The following CERS4 variants were observed in gnomAD, a reference collection of about 807,000 sequenced individuals.
CERS4 encodes ceramide synthase 4.
In CERS4, 65 loss-of-function variants were observed where a neutral mutation model predicts 51.8. That is an observed-to-expected ratio of 1.26 (90% CI 1.03 to 1.54). The LOEUF is 1.54. Ranked by LOEUF, CERS4 falls within the 40% of genes most tolerant of loss-of-function variation. The pLI is 0.00. For synonymous variants in CERS4, 228 were observed against 208.4 expected (o/e 1.09, Z -0.81); for missense variants, 563 against 500.4 (o/e 1.13, Z -1.19).
At chr19:8,248,736 G>C (rs933484327) in intron 2 of CERS4, among the ~76,000 whole-genome samples, 3 of 151,702 alleles carry the variant, frequency 2.0e-5, no homozygotes, top group African/African-American at 7.3e-5. Context: ...ATGGACGATA[G>C]GTGGATGGAC....
intron 2 of CERS4, among the ~76,000 whole-genome samples, chr19:8,214,951 A>AGGGAGGAGG (rs925573308): frequency 1.2e-5 from 1 of 80,512 alleles, no homozygotes; most frequent in South Asian, 4.6e-4. Flanking sequence ...GGGGGAGGAG[A>AGGGAGGAGG]GGGAGGAGGG....
intron 2 of CERS4, among the ~76,000 whole-genome samples, chr19:8,232,889 A>ATTTTTT (rs34774744): frequency 1.7e-5 from 1 of 59,172 alleles, no homozygotes; most frequent in African/African-American, 6.6e-5. Flanking sequence ...TGCCTCGCTG[A>ATTTTTT]TTTTTTTTTT....
chr19:8,245,124 A>AAACAAAAAAAAACAAAAAAAAAC (rs1568523487), intron 2 of CERS4, among the ~76,000 whole-genome samples: 13 of 146,880 alleles, frequency 8.9e-5, no homozygotes, highest in South Asian at 2.1e-4. Context: ...AAAAAAAAAA[A>AAACAAAAAAAAACAAAAAAAAAC]AAAAAAAAAA....
intron 9 of CERS4, 144 bp downstream of exon 9, chr19:8,257,221 C>A (rs1969439686): frequency 2.3e-6 from 2 of 857,814 alleles, no homozygotes; most frequent in Non-Finnish European, 3.6e-6. Context: ...AGGCCCTGCC[C>A]CCTCTGTCTT....
intron 2 of CERS4, among the ~76,000 whole-genome samples, chr19:8,231,617 C>T (rs886157278): frequency 6.7e-6 from 1 of 149,744 alleles, no homozygotes; most frequent in Admixed American, 6.7e-5. Context: ...GGTGTGATCT[C>T]GGTTCACTGC....
chr19:8,251,736 G>A (rs1969090637), intron 3 of CERS4, among the ~76,000 whole-genome samples: 2 of 151,756 alleles, frequency 1.3e-5, no homozygotes, highest in Admixed American at 1.3e-4. Flanking sequence ...CCTGGGAGGT[G>A]GAGGTTGCAG....
At chr19:8,259,549 A>C (rs2145337373) in intron 10 of CERS4, among the ~76,000 whole-genome samples, 1 of 152,100 alleles carries the variant, frequency 6.6e-6, no homozygotes, top group African/African-American at 2.4e-5. Context: ...GCTGCAGGGG[A>C]AACATCATGG....
At chr19:8,255,075 C>T (rs550626045) in intron 4 of CERS4, among the ~76,000 whole-genome samples, 1 of 152,280 alleles carries the variant, frequency 6.6e-6, no homozygotes, top group South Asian at 2.1e-4. Flanking sequence ...TCCCTCCATT[C>T]CCGTCTCTGG....
At chr19:8,228,492 T>TGGC (rs1967876389) in intron 2 of CERS4, among the ~76,000 whole-genome samples, 1 of 151,900 alleles carries the variant, frequency 6.6e-6, no homozygotes, top group Non-Finnish European at 1.5e-5. Context: ...CTGGCCAGCA[T>TGGC]GGCGAAACCC....
chr19:8,251,279 C>G (rs777245209), intron 3 of CERS4, 30 bp downstream of exon 3: 2 of 1,546,010 alleles, frequency 1.3e-6, no homozygotes, highest in South Asian at 1.2e-5. Flanking sequence ...CAATCCATTG[C>G]CCCCGCAGTC....
intron 2 of CERS4, among the ~76,000 whole-genome samples, chr19:8,211,890 C>CA (rs57231018): frequency 0.19 from 14,100 of 74,746 alleles, 959 homozygotes; most frequent in Admixed American, 0.25. Flanking sequence ...AGACTATCTC[C>CA]AAAAAAAAAA....
chr19:8,228,753 G>C (rs1246940404), intron 2 of CERS4, among the ~76,000 whole-genome samples: 1 of 151,804 alleles, frequency 6.6e-6, no homozygotes, highest in African/African-American at 2.4e-5. Context: ...GCCGATCATG[G>C]TGGCTCATGC....
Position 8,253,484 on chromosome 19 carries a change from T to G in CERS4, c.174-1015T>G, listed in dbSNP as rs1370871692. 9.7e-5 allele frequency among the ~76,000 whole-genome samples: 12 copies of G among 124,246 alleles called. No homozygotes were observed. In the Admixed American group the frequency reaches 1.1e-3, roughly 12 times the overall value. The allele number at this position is 124,246 out of a possible 152,430, so 81.5% of individuals were successfully genotyped here. The stretch of plus-strand genomic sequence containing the variant: ...TTTTTTTTTTTTTGGGGAGACAGAG[T>G]CTTGTTGCTCTGTCACCCAGGCTTG... On this transcript the variant is annotated intron_variant, in intron 3 of 11. Coordinates refer to ENST00000251363, the MANE Select transcript of CERS4 (RefSeq NM_024552.3).
chr19:8,254,699 CAGG>C, intron 4 of CERS4, 83 bp downstream of exon 4: 29 of 1,260,358 alleles, frequency 2.3e-5, no homozygotes, highest in Non-Finnish European at 3.1e-5. Context: ...TTTGTTGGGG[CAGG>C]AGAAGCCAAG....
chr19:8,251,114 G>A lies in CERS4; in HGVS notation c.38G>A (p.Arg13Lys), dbSNP rs1350338400. The change falls in exon 3 of 12, where the codon AGG (arginine) becomes AAG (lysine). Residue 13 changes from arginine to lysine, a missense_variant. Arg to Lys is a conservative substitution (Grantham distance 26). Transcript: ENST00000251363. ...SSFNEWFWQDRFWLPPNVTWT... is the reference protein window; with the variant it reads ...SSFNEWFWQDKFWLPPNVTWT... ...TTCAACGAGTGGTTTTGGCAGGACA[G>A]GTTCTGGTTACCACCCAATGTCACG... 6.2e-7 allele frequency: 1 copy of A among 1,610,492 alleles called. No homozygotes were observed. The highest frequency in any genetic ancestry group is 2.2e-5 in the East Asian group (1 of 44,544).
At chr19:8,224,848 T>C (rs1967719996) in intron 2 of CERS4, among the ~76,000 whole-genome samples, 1 of 152,004 alleles carries the variant, frequency 6.6e-6, no homozygotes, top group Non-Finnish European at 1.5e-5. Flanking sequence ...GGGTGTGAGA[T>C]GGAGTCAGAG....
At chr19:8,248,332 T>G (rs183991608) in intron 2 of CERS4, among the ~76,000 whole-genome samples, 1 of 152,142 alleles carries the variant, frequency 6.6e-6, no homozygotes, top group South Asian at 2.1e-4. Context: ...GACAGACGGA[T>G]AGATGCAACG....
intron 10 of CERS4, chr19:8,261,438 C>T: frequency 1.9e-6 from 1 of 526,474 alleles, no homozygotes; most frequent in African/African-American, 1.9e-5. Context: ...TTCATAAGTA[C>T]CCGCTTGGGT....
At chr19:8,255,507 G>A in intron 4 of CERS4, 100 bp from the exon 5 acceptor site, 2 of 1,000,232 alleles carry the variant, frequency 2.0e-6, no homozygotes, top group East Asian at 4.8e-5. Context: ...GGCAAGATGT[G>A]GGCCTGCAGT....
Sources: allele counts gnomAD v4.1 joint callset (sites outside exome capture counted in the v4.1 genomes callset), GRCh38; gene constraint gnomAD v4.1.1; transcripts MANE v1.5; gene names NCBI Gene and HGNC (gene_info 2026-07-23, HGNC 2026-07-21).